The following ZNF385D variants were observed in gnomAD, a reference collection of about 807,000 sequenced individuals.
The protein encoded by ZNF385D is zinc finger protein 659.
In ZNF385D, 15 loss-of-function variants were observed where a neutral mutation model predicts 35.8. The ratio of observed to expected loss-of-function variants is 0.42; its 90% CI spans 0.28 to 0.64. ZNF385D has a LOEUF of 0.64. ZNF385D is among the 30% of genes least tolerant of loss of function. The probability of loss-of-function intolerance (pLI) is 0.23; values close to 1 mark genes in which losing one functional copy is unlikely to be tolerated. For synonymous variants in ZNF385D, 212 were observed against 186.8 expected, an observed-to-expected ratio of 1.13 and a Z score of -1.10; for missense variants, 474 against 494.6, an observed-to-expected ratio of 0.96 and a Z score of 0.39.
intron 3 of ZNF385D, among the ~76,000 whole-genome samples, chr3:21,561,587 A>T (rs939596392): frequency 6.6e-6 from 1 of 152,270 alleles, no homozygotes; most frequent in East Asian, 1.9e-4. Flanking sequence ...AGCTGTTTCT[A>T]TTTGGCCAGC....
chr3:21,965,640 A>C (rs66530626), intron 3 of ZNF385D, among the ~76,000 whole-genome samples: 37,477 of 152,112 alleles, frequency 0.25, 5,116 homozygotes, highest in East Asian at 0.32. Context: ...GGGAGAAATA[A>C]CTAAAAAGGA....
At chr3:21,747,579 G>C (rs756133530) in intron 1 of ZNF385D, among the ~76,000 whole-genome samples, 10 of 152,232 alleles carry the variant, frequency 6.6e-5, no homozygotes, top group Non-Finnish European at 1.0e-4. Context: ...TCCAGCAGTG[G>C]AGAAATGTGT....
intron 3 of ZNF385D, among the ~76,000 whole-genome samples, chr3:21,835,822 A>G (rs887845460): frequency 1.3e-5 from 2 of 152,114 alleles, no homozygotes; most frequent in African/African-American, 4.8e-5. Context: ...TTGTCCCTCC[A>G]ACTAAATGTC....
intron 1 of ZNF385D, among the ~76,000 whole-genome samples, chr3:21,685,235 T>C (rs527845557): frequency 3.9e-5 from 6 of 152,324 alleles, no homozygotes; most frequent in African/African-American, 1.4e-4. Context: ...TGCTTTAATA[T>C]TCAAGAAATG....
At chr3:22,306,532 A>C (rs934817293) in intron 2 of ZNF385D, among the ~76,000 whole-genome samples, 11 of 152,072 alleles carry the variant, frequency 7.2e-5, no homozygotes, top group African/African-American at 2.7e-4. Flanking sequence ...AACCTTCATA[A>C]TCAAGAGAAC....
At chr3:22,322,441 G>A (rs944040573) in intron 2 of ZNF385D, among the ~76,000 whole-genome samples, 4 of 152,036 alleles carry the variant, frequency 2.6e-5, no homozygotes, top group Non-Finnish European at 5.9e-5. Flanking sequence ...TACTATAAAG[G>A]AGAAACACAG....
chr3:21,856,612 T>G (rs894653171), intron 3 of ZNF385D, among the ~76,000 whole-genome samples: 8 of 151,734 alleles, frequency 5.3e-5, no homozygotes, highest in Admixed American at 2.0e-4. Flanking sequence ...TTCTGTTGGG[T>G]CCACATTCAG....
At chr3:21,679,811 G>A (rs1174242236) in intron 1 of ZNF385D, among the ~76,000 whole-genome samples, 2 of 152,080 alleles carry the variant, frequency 1.3e-5, no homozygotes, top group Non-Finnish European at 2.9e-5. Flanking sequence ...AACTGTTAGT[G>A]AGGCAGCCTG....
intron 6 of ZNF385D, 46 bp from the exon 7 acceptor site, chr3:21,424,110 A>G (rs777852845): frequency 1.7e-5 from 26 of 1,498,782 alleles, no homozygotes; most frequent in Non-Finnish European, 2.3e-5. Context: ...AATCATCTGC[A>G]AAAACCTCTC....
chr3:21,976,815 A>T (rs887885851), intron 3 of ZNF385D, among the ~76,000 whole-genome samples: 4 of 152,126 alleles, frequency 2.6e-5, no homozygotes, highest in African/African-American at 9.7e-5. Flanking sequence ...ACATGGTGAA[A>T]CCCCATCTCT....
intron 2 of ZNF385D, among the ~76,000 whole-genome samples, chr3:22,289,378 G>C (rs548626136): frequency 1.3e-5 from 2 of 152,258 alleles, no homozygotes; most frequent in East Asian, 3.9e-4. Flanking sequence ...TCCTTCCAGA[G>C]AGAATCTACA....
intron 3 of ZNF385D, among the ~76,000 whole-genome samples, chr3:21,900,869 T>C (rs535556510): frequency 6.6e-6 from 1 of 152,178 alleles, no homozygotes; most frequent in Non-Finnish European, 1.5e-5. Context: ...TCCCCATGCC[T>C]GGACATCATC....
intron 3 of ZNF385D, among the ~76,000 whole-genome samples, chr3:21,830,454 T>A (rs1694918573): frequency 6.6e-6 from 1 of 152,208 alleles, no homozygotes; most frequent in African/African-American, 2.4e-5. Context: ...CCTGCAACCA[T>A]CTTATTTGAT....
chr3:21,732,853 C>T (rs1362107589), intron 1 of ZNF385D, among the ~76,000 whole-genome samples: 2 of 152,096 alleles, frequency 1.3e-5, no homozygotes, highest in Non-Finnish European at 1.5e-5. Context: ...GACTCTTATG[C>T]TCTTTGTAGT....
intron 2 of ZNF385D, among the ~76,000 whole-genome samples, chr3:22,232,941 C>A (rs1698980729): frequency 6.6e-6 from 1 of 152,266 alleles, no homozygotes; most frequent in African/African-American, 2.4e-5. Context: ...CTTCATTCTG[C>A]TTAAACAGAT....
chr3:21,498,053 AAATAATG>A (rs1706051598), intron 4 of ZNF385D, among the ~76,000 whole-genome samples: 9 of 152,128 alleles, frequency 5.9e-5, no homozygotes. Context: ...GAAAGCCCAG[AAATAATG>A]CTTCACCCCC....
chr3:22,098,373 A>AT (rs1324903219), intron 3 of ZNF385D, among the ~76,000 whole-genome samples: 2 of 152,024 alleles, frequency 1.3e-5, no homozygotes, highest in African/African-American at 2.4e-5. Flanking sequence ...AATGAACACA[A>AT]TTTTTTTCAA....
Position 21,852,439 on chromosome 3 carries a change from A to C in ZNF385D, c.326-187411T>G, listed in dbSNP as rs115171241. On this transcript the variant is annotated intron_variant, in intron 3 of 5. Transcript: ENST00000494108. ...TGTAATAGACAGCATTCATTTAAAA[A>C]CTGTCACCTCTAGACCTGTGGCTTT... Among the ~76,000 whole-genome samples the C allele has an allele frequency of 2.5e-3, 387 of 151,928 alleles. 4 individuals are homozygous for C. The highest frequency in any genetic ancestry group is 8.9e-3 in the African/African-American group (369 of 41,506).
chr3:21,598,853 A>G (rs927227995), intron 2 of ZNF385D, among the ~76,000 whole-genome samples: 2 of 152,222 alleles, frequency 1.3e-5, no homozygotes, highest in African/African-American at 4.8e-5. Context: ...CAATTTTTAA[A>G]TGATTCCAGA....
Sources: allele counts gnomAD v4.1 joint callset (sites outside exome capture counted in the v4.1 genomes callset), GRCh38; gene constraint gnomAD v4.1.1; transcripts MANE v1.5; gene names NCBI Gene and HGNC (gene_info 2026-07-23, HGNC 2026-07-21).